Variants in XKR4 observed in about 807,000 individuals in gnomAD.
The protein encoded by XKR4 is XK related 4.
A neutral mutation model predicts 53.9 loss-of-function variants in XKR4; 12 were observed. The ratio of observed to expected loss-of-function variants is 0.22; its 90% CI spans 0.14 to 0.36. XKR4 has a LOEUF of 0.36. Ranked by LOEUF, XKR4 falls within the 10% of genes least tolerant of loss-of-function variation. XKR4 has a pLI of 1.00. For missense variants in XKR4, 799 were observed against 859.5 expected (o/e 0.93, Z 0.88); for synonymous variants, 354 against 362.4 (o/e 0.98, Z 0.26).
chr8:55,481,904 TG>T (rs1268616987), intron 2 of XKR4, among the ~76,000 whole-genome samples: 3 of 152,222 alleles, frequency 2.0e-5, no homozygotes, highest in African/African-American at 7.2e-5. Context: ...CAACAGGTCC[TG>T]TAAAGGATGT....
chr8:55,382,954 T>A (rs1281545962), intron 2 of XKR4, among the ~76,000 whole-genome samples: 1 of 152,126 alleles, frequency 6.6e-6, no homozygotes, highest in Non-Finnish European at 1.5e-5. Context: ...CCGGGCGTGG[T>A]GTAATCCCAG....
At chr8:55,238,746 G>A (rs543140033) in intron 1 of XKR4, among the ~76,000 whole-genome samples, 1 of 152,250 alleles carries the variant, frequency 6.6e-6, no homozygotes, top group African/African-American at 2.4e-5. Context: ...TTAAAAGTGG[G>A]TCCCAGTCAG....
At position 55,530,338 on chromosome 8, in the gene XKR4, A is replaced by G. The variant is rs1269240412; in HGVS notation, c.*6111A>G. 3 of 152,218 alleles carry G rather than the reference A, an allele frequency of 2.0e-5. No homozygotes were observed. The highest frequency in any genetic ancestry group is 4.8e-5 in the African/African-American group (2 of 41,446). 9.4% of individuals were successfully genotyped at this position (152,218 alleles called of 1,614,324 possible). Reference sequence around the variant, plus strand: ...CTTTAATATTTAAGAGGATTATTAAACCACTAGCTTGAACAATCATATAAG... The same window carrying G: ...CTTTAATATTTAAGAGGATTATTAAGCCACTAGCTTGAACAATCATATAAG... On this transcript the variant is annotated 3_prime_UTR_variant, in exon 3 of 3. Coordinates refer to ENST00000327381, the MANE Select transcript of XKR4 (RefSeq NM_052898.2).
chr8:55,326,556 C>T (rs1803297780), intron 1 of XKR4, among the ~76,000 whole-genome samples: 1 of 148,950 alleles, frequency 6.7e-6, no homozygotes, highest in Non-Finnish European at 1.5e-5. Context: ...CTGCAACCTC[C>T]ACCTCCTGGA....
At chr8:55,252,473 C>A (rs1818374728) in intron 1 of XKR4, among the ~76,000 whole-genome samples, 1 of 152,164 alleles carries the variant, frequency 6.6e-6, no homozygotes, top group African/African-American at 2.4e-5. Flanking sequence ...CTGCTGAATA[C>A]ACGGGTAGCT....
intron 1 of XKR4, among the ~76,000 whole-genome samples, chr8:55,297,218 A>G (rs1819113072): frequency 6.6e-6 from 1 of 152,170 alleles, no homozygotes; most frequent in African/African-American, 2.4e-5. Context: ...GAGCTTGGGG[A>G]GCACATTTAA....
chr8:55,412,735 CAGG>C (rs1329037055), intron 2 of XKR4, among the ~76,000 whole-genome samples: 3 of 152,236 alleles, frequency 2.0e-5, no homozygotes, highest in African/African-American at 4.8e-5. Flanking sequence ...GTGTTAAGAA[CAGG>C]AGAACACTCT....
intron 2 of XKR4, among the ~76,000 whole-genome samples, chr8:55,507,843 T>C (rs1186676497): frequency 1.3e-5 from 2 of 152,230 alleles, no homozygotes; most frequent in East Asian, 1.9e-4. Context: ...GCATGATTTA[T>C]AATCCTTTGG....
At chr8:55,333,010 A>G (rs979755950) in intron 1 of XKR4, among the ~76,000 whole-genome samples, 1 of 146,416 alleles carries the variant, frequency 6.8e-6, no homozygotes, top group African/African-American at 2.5e-5. Context: ...CTGCTGTTGA[A>G]CCCTCTGGTG....
At chr8:55,436,497 T>C (rs2129394241) in intron 2 of XKR4, among the ~76,000 whole-genome samples, 1 of 152,352 alleles carries the variant, frequency 6.6e-6, no homozygotes, top group East Asian at 1.9e-4. Flanking sequence ...ATTCCTAACA[T>C]GTGTTCAGGT....
chr8:55,498,163 G>A (rs1170105270), intron 2 of XKR4, among the ~76,000 whole-genome samples: 1 of 152,168 alleles, frequency 6.6e-6, no homozygotes, highest in Non-Finnish European at 1.5e-5. Flanking sequence ...CCTCAGCTGG[G>A]GACCACACAC....
At chr8:55,211,518 AT>A (rs1265453313) in intron 1 of XKR4, among the ~76,000 whole-genome samples, 1 of 152,242 alleles carries the variant, frequency 6.6e-6, no homozygotes, top group Non-Finnish European at 1.5e-5. Context: ...GTATGTCACT[AT>A]ATGAATTTCA....
At chr8:55,281,374 A>G (rs909008334) in intron 1 of XKR4, among the ~76,000 whole-genome samples, 2 of 152,220 alleles carry the variant, frequency 1.3e-5, no homozygotes, top group African/African-American at 4.8e-5. Context: ...CTGCAAAATT[A>G]TTGGTTGATC....
intron 2 of XKR4, among the ~76,000 whole-genome samples, chr8:55,462,570 C>T (rs9801819): frequency 0.12 from 18,034 of 152,050 alleles, 1,731 homozygotes; most frequent in East Asian, 0.41. Flanking sequence ...CATCAACTAA[C>T]GAGCAAAATA....
At chr8:55,480,588 A>G (rs543041132) in intron 2 of XKR4, among the ~76,000 whole-genome samples, 19 of 152,208 alleles carry the variant, frequency 1.2e-4, no homozygotes, top group Admixed American at 1.0e-3. Flanking sequence ...AGGGTATTCA[A>G]TTAGGAAAAG....
chr8:55,180,599 C>T (rs752701901), intron 1 of XKR4, among the ~76,000 whole-genome samples: 68 of 152,164 alleles, frequency 4.5e-4, no homozygotes, highest in Non-Finnish European at 8.5e-4. Context: ...ATGGTGCGAT[C>T]TTGGTTCACT....
At chr8:55,376,730 C>G (rs1804156776) in intron 2 of XKR4, among the ~76,000 whole-genome samples, 1 of 152,156 alleles carries the variant, frequency 6.6e-6, no homozygotes, top group Non-Finnish European at 1.5e-5. Flanking sequence ...ATATTTCCTA[C>G]AGTTCTGGGA....
At chr8:55,170,483 C>G (rs1488219680) in intron 1 of XKR4, among the ~76,000 whole-genome samples, 1 of 152,092 alleles carries the variant, frequency 6.6e-6, no homozygotes, top group Non-Finnish European at 1.5e-5. Flanking sequence ...GACAGATTCT[C>G]CCCAGAGCCT....
intron 2 of XKR4, among the ~76,000 whole-genome samples, chr8:55,389,541 G>A (rs1585551585): frequency 6.6e-6 from 1 of 152,168 alleles, no homozygotes; most frequent in Non-Finnish European, 1.5e-5. Context: ...ATTTTAATAT[G>A]AAATTTCAAG....
Sources: gnomAD v4.1 joint callset for allele counts (sites outside exome capture counted in the v4.1 genomes callset) on GRCh38, gnomAD v4.1.1 for gene constraint, MANE v1.5 for transcripts, NCBI Gene and HGNC (gene_info 2026-07-23, HGNC 2026-07-21) for gene names.